Variants in ENKUR observed in about 807,000 individuals in gnomAD.
ENKUR encodes the protein enkurin.
In ENKUR, 19 loss-of-function variants were observed where a neutral mutation model predicts 27.6. The ratio of observed to expected loss-of-function variants is 0.69; its 90% confidence interval spans 0.48 to 1.01. ENKUR has a LOEUF of 1.01. ENKUR is among the 50% of genes least tolerant of loss of function. The probability of loss-of-function intolerance (pLI) is 0.00; values close to 1 mark genes in which losing one functional copy is unlikely to be tolerated. For synonymous variants in ENKUR, 117 were observed against 96.9 expected (o/e 1.21, Z -1.22); for missense variants, 312 against 310.5 (o/e 1.00, Z -0.04).
At chr10:25,023,980 G>A in intron 2 of ENKUR, 1 of 1,614,230 alleles carries the variant, frequency 6.2e-7, no homozygotes, top group Non-Finnish European at 8.5e-7. Context: ...ATTCTTTAGT[G>A]AAGCTGTAAT....
upstream of ENKUR, among the ~76,000 whole-genome samples, chr10:25,019,299 C>T (rs1432689392): frequency 1.3e-5 from 2 of 152,126 alleles, no homozygotes; most frequent in Non-Finnish European, 2.9e-5. Flanking sequence ...CATGGCGAAA[C>T]CCCCTCTCTA....
intron 2 of ENKUR, chr10:25,061,041 T>G: frequency 7.1e-7 from 1 of 1,413,368 alleles, no homozygotes; most frequent in South Asian, 1.2e-5. Context: ...GAGACAAGGA[T>G]ATCTCTAAGG....
At position 24,995,778 on chromosome 10, in the gene ENKUR, A is replaced by G. The variant is rs1050744696; in HGVS notation, c.315T>C (p.Phe105=). 6.2e-7 allele frequency: 1 copy of G among 1,613,932 alleles called. No homozygotes were observed. Among genetic ancestry groups the G allele is most frequent in the Non-Finnish European group, 8.5e-7 (1 of 1,180,000 alleles). ...TGATATCAGCTGCATTTGTATTTAT[A>G]AAATTTTTTCCACTCTGTATTCCCA... is the stretch of plus-strand genomic sequence containing the variant. ...PVMGIQSGKN[F]INTNAADIIM... The change falls in exon 3 of 6, where the codon TTT becomes TTC. Residue 105 remains phenylalanine, a synonymous_variant. Coordinates refer to ENST00000331161, the MANE Select transcript of ENKUR (RefSeq NM_145010.4).
intron 1 of ENKUR, among the ~76,000 whole-genome samples, chr10:25,005,215 C>G (rs1850284662): frequency 6.6e-6 from 1 of 152,040 alleles, no homozygotes. Flanking sequence ...GCTCTATTTT[C>G]TATTTATTAT....
At chr10:24,998,042 G>A (rs1850103543) in intron 2 of ENKUR, among the ~76,000 whole-genome samples, 3 of 152,154 alleles carry the variant, frequency 2.0e-5, no homozygotes. Flanking sequence ...CATGAATGTT[G>A]TATTTCCACA....
chr10:25,060,706 C>T (rs181594178), intron 2 of ENKUR, among the ~76,000 whole-genome samples: 5 of 151,844 alleles, frequency 3.3e-5, no homozygotes, highest in African/African-American at 1.2e-4. Context: ...ATGTAAAACC[C>T]ACGTGTTTTT....
chr10:24,984,549 AAAC>A (rs1849738593), intron 5 of ENKUR, 173 bp from the exon 6 acceptor site: 1 of 1,096,152 alleles, frequency 9.1e-7, no homozygotes, highest in Non-Finnish European at 1.3e-6. Flanking sequence ...ACACTAGTAA[AAAC>A]AAAATTTCTT....
chr10:25,014,064 GCTTTCATAA>G (rs1850511068), intron 1 of ENKUR, among the ~76,000 whole-genome samples: 1 of 152,154 alleles, frequency 6.6e-6, no homozygotes, highest in Admixed American at 6.5e-5. Context: ...TGACTCTGAG[GCTTTCATAA>G]CTTAAGTCTC....
At chr10:25,016,341 C>G (rs770392536), upstream of ENKUR, among the ~76,000 whole-genome samples, 55 of 152,336 alleles carry the variant, frequency 3.6e-4, 1 homozygote, top group East Asian at 3.9e-4. Context: ...AAACTGTGCT[C>G]TTTTCTATTT....
rs1232661305 is a variant in ENKUR at position 25,039,109 on chromosome 10, A to G, written c.37+22003T>C. 2.6e-5 allele frequency among the ~76,000 whole-genome samples: 4 copies of G among 152,228 alleles called. No homozygotes were observed. The East Asian group carries it at 7.7e-4, about 29-fold the overall frequency. On this transcript the variant is annotated intron_variant, in intron 2 of 5. Coordinates refer to the ENKUR transcript ENST00000615958. ...TTTCAAATATACCTTTGTAAAATGA[A>G]TTTAAGTCTACATTACAATTTTAAG...
chr10:25,027,694 G>C (rs1850883805), intron 2 of ENKUR, among the ~76,000 whole-genome samples: 1 of 151,944 alleles, frequency 6.6e-6, no homozygotes, highest in Non-Finnish European at 1.5e-5. Flanking sequence ...TTCAAGATCA[G>C]CCTGGTGAAA....
intron 2 of ENKUR, among the ~76,000 whole-genome samples, chr10:25,048,347 A>G (rs1267087234): frequency 6.6e-6 from 1 of 152,120 alleles, no homozygotes; most frequent in East Asian, 1.9e-4. Context: ...GATCAGAACT[A>G]GGGGTCTATA....
intron 2 of ENKUR, among the ~76,000 whole-genome samples, chr10:25,040,485 C>G (rs943642143): frequency 1.8e-4 from 27 of 151,764 alleles, no homozygotes; most frequent in African/African-American, 6.5e-4. Context: ...ATTCTCCTGC[C>G]TCAGCCTCCC....
intron 2 of ENKUR, among the ~76,000 whole-genome samples, chr10:25,045,686 A>G (rs1851114383): frequency 6.6e-6 from 1 of 152,192 alleles, no homozygotes; most frequent in Non-Finnish European, 1.5e-5. Flanking sequence ...TCTGCTTATA[A>G]TAAGGCAATA....
intron 2 of ENKUR, among the ~76,000 whole-genome samples, chr10:25,042,420 G>C (rs560576928): frequency 6.6e-6 from 1 of 151,758 alleles, no homozygotes; most frequent in Admixed American, 6.6e-5. Flanking sequence ...TCAGCCTCCC[G>C]AGTAGCTGGG....
At chr10:25,027,661 G>A (rs561044070) in intron 2 of ENKUR, among the ~76,000 whole-genome samples, 37 of 152,152 alleles carry the variant, frequency 2.4e-4, no homozygotes, top group Middle Eastern at 3.4e-3. Context: ...GGCCGAGGAG[G>A]GTGGATCACC....
intron 1 of ENKUR, among the ~76,000 whole-genome samples, chr10:25,011,205 C>A (rs956426919): frequency 1.3e-4 from 20 of 152,246 alleles, no homozygotes; most frequent in African/African-American, 4.6e-4. Context: ...GTGATGATGA[C>A]CATTTTTTCA....
intron 1 of ENKUR, among the ~76,000 whole-genome samples, chr10:25,009,966 C>T (rs1850403780): frequency 2.0e-5 from 3 of 152,014 alleles, no homozygotes; most frequent in South Asian, 2.1e-4. Context: ...TGAGAACAGA[C>T]TAATAGAGTA....
chr10:24,989,420 ACT>A (rs1173757646), intron 4 of ENKUR, among the ~76,000 whole-genome samples: 1 of 152,040 alleles, frequency 6.6e-6, no homozygotes, highest in East Asian at 1.9e-4. Context: ...ACATGCCGTC[ACT>A]CTACATTTTC....
Sources: gnomAD v4.1 joint callset for allele counts (sites outside exome capture counted in the v4.1 genomes callset) on GRCh38, gnomAD v4.1.1 for gene constraint, MANE v1.5 for transcripts, NCBI Gene and HGNC (gene_info 2026-07-23, HGNC 2026-07-21) for gene names.